TPM1: variants seen among roughly 807,000 people sequenced by gnomAD.
TPM1 encodes tropomyosin 1.
A neutral mutation model predicts 42.9 loss-of-function variants in TPM1; 24 were observed. The ratio of observed to expected loss-of-function variants is 0.56; its 90% confidence interval spans 0.41 to 0.79. TPM1 has a LOEUF of 0.79. Among genes scored for constraint, TPM1 ranks in the 30% least tolerant of loss-of-function variants. TPM1 has a pLI of 0.00. For synonymous variants in TPM1, 136 were observed against 130.1 expected (o/e 1.05, Z -0.31); for missense variants, 158 against 351.8 (o/e 0.45, Z 4.41).
At position 63,063,082 on chromosome 15, in the gene TPM1, A is replaced by G. The variant is rs775079270; in HGVS notation, c.772+437A>G. The G allele has an allele frequency of 1.9e-4, 185 of 979,502 alleles. No homozygotes were observed. The Middle Eastern group carries it at 2.1e-3, about 11-fold the overall frequency. 60.7% of individuals were successfully genotyped at this position (979,502 alleles called of 1,614,324 possible). On this transcript the variant is annotated intron_variant, in intron 8 of 9. Coordinates refer to ENST00000403994, the MANE Select transcript of TPM1 (RefSeq NM_001018005.2). ...AAGTAAGGATTTAGGGGTTATTTTA[A>G]GTCATATATTATCTTAACAAAATAC... is the stretch of plus-strand genomic sequence containing the variant.
At chr15:63,058,066 A>G (rs2035069845) in intron 3 of TPM1, among the ~76,000 whole-genome samples, 1 of 152,194 alleles carries the variant, frequency 6.6e-6, no homozygotes, top group South Asian at 2.1e-4. Context: ...ATTAAAGAAG[A>G]TTTTTAGCTA....
intron 2 of TPM1, chr15:63,048,383 G>A (rs1437239774): frequency 7.4e-7 from 1 of 1,348,192 alleles, no homozygotes; most frequent in Non-Finnish European, 9.5e-7. Flanking sequence ...GCCCGCCTGC[G>A]GTTTGTCTGC....
At chr15:63,043,571 AC>A in intron 1 of TPM1, 1 of 1,376,404 alleles carries the variant, frequency 7.3e-7, no homozygotes, top group African/African-American at 1.4e-5. Flanking sequence ...AGAGGAAGTT[AC>A]CTCGGGTCCT....
At chr15:63,061,450 A>G (rs2035610764) in intron 5 of TPM1, 3 of 781,758 alleles carry the variant, frequency 3.8e-6, no homozygotes, top group Admixed American at 2.0e-5. Context: ...CCCTTCATAA[A>G]TGCTCTTTGG....
Position 63,057,752 on chromosome 15 carries a change from C to T in TPM1, c.374+634C>T, listed in dbSNP as rs562005047. On this transcript the variant is annotated intron_variant, in intron 3 of 9. Coordinates refer to ENST00000403994, the MANE Select transcript of TPM1 (RefSeq NM_001018005.2). ...TCAGCTTTGTGGTAGTAAAGGAAAG[C>T]ATGGTTCGTATAGACCAGCACAGCC... is the stretch of plus-strand genomic sequence containing the variant. Among the ~76,000 whole-genome samples the T allele has an allele frequency of 4.6e-5, 7 of 152,310 alleles. No individual in the cohort carries two copies. The East Asian group carries it at 1.2e-3, about 25-fold the overall frequency.
chr15:63,064,741 G>A lies in TPM1; in HGVS notation c.851+599G>A, dbSNP rs561718716. On this transcript the variant is annotated intron_variant, in intron 9 of 9. Transcript: ENST00000403994. ...AGCACTTTGGGAGGCCGAGGCGGGC[G>A]GATCACGAGGTCAGGAGATTGAGAC... The A allele has an allele frequency of 3.0e-5, 25 of 838,000 alleles. No homozygotes were observed. The South Asian group carries it at 5.4e-4, about 18-fold the overall frequency. 51.9% of individuals were successfully genotyped at this position (838,000 alleles called of 1,614,324 possible). A position where few individuals can be genotyped will look rare whatever the true frequency, so the allele number is the denominator to read the frequency against.
chr15:63,060,192 C>T (rs994313046), intron 4 of TPM1, among the ~76,000 whole-genome samples: 4 of 152,208 alleles, frequency 2.6e-5, no homozygotes, highest in African/African-American at 9.6e-5. Context: ...AAACAGCCTC[C>T]TGTGATAAGA....
At chr15:63,044,612 G>T in intron 2 of TPM1, 3 of 295,934 alleles carry the variant, frequency 1.0e-5, no homozygotes, top group Non-Finnish European at 1.9e-5. Context: ...CTAAATGAAA[G>T]AAATGACACA....
intron 2 of TPM1, among the ~76,000 whole-genome samples, chr15:63,052,098 C>G (rs1479726709): frequency 6.8e-6 from 1 of 146,070 alleles, no homozygotes; most frequent in East Asian, 2.1e-4. Flanking sequence ...CATTGGTAGC[C>G]TTTACTAATA....
At chr15:63,048,329 G>A in intron 2 of TPM1, 1 of 1,046,506 alleles carries the variant, frequency 9.6e-7, no homozygotes, top group Non-Finnish European at 1.3e-6. Context: ...AGTGCCCCCA[G>A]CCAGTCCCGG....
chr15:63,065,636 A>G (rs1468898583), intron 9 of TPM1: 1 of 984,968 alleles, frequency 1.0e-6, no homozygotes, highest in Non-Finnish European at 1.2e-6. Context: ...CTGAAAGACG[A>G]GTGTAGCTTA....
intron 2 of TPM1, chr15:63,044,402 C>T: frequency 1.6e-6 from 1 of 635,448 alleles, no homozygotes. Flanking sequence ...GGATGAGAGG[C>T]TGGGAGAATA....
intron 2 of TPM1, chr15:63,048,837 G>A: frequency 7.8e-7 from 1 of 1,275,324 alleles, no homozygotes; most frequent in Non-Finnish European, 1.1e-6. Flanking sequence ...CGCACCTGGC[G>A]CACCTGGGCC....
At position 63,059,525 on chromosome 15, in the gene TPM1, T is replaced by C. The variant is rs2035294148; in HGVS notation, c.375-38T>C. On this transcript the variant is annotated intron_variant, in intron 3 of 9. Coordinates refer to ENST00000403994, the MANE Select transcript of TPM1 (RefSeq NM_001018005.2). Reference sequence around the variant, plus strand: ...GCAGTGTGCATTTGGGAAGTTCAGCTCTAAATCTTGGGTTTTCTTGCTTGT... The same window carrying C: ...GCAGTGTGCATTTGGGAAGTTCAGCCCTAAATCTTGGGTTTTCTTGCTTGT... 1.9e-6 allele frequency: 3 copies of C among 1,555,792 alleles called. No homozygotes were observed. The East Asian group carries it at 6.9e-5, about 36-fold the overall frequency.
intron 2 of TPM1, 128 bp from the exon 3 acceptor site, chr15:63,056,857 G>A (rs767780947): frequency 3.2e-4 from 391 of 1,234,374 alleles, no homozygotes; most frequent in Non-Finnish European, 3.8e-4. Context: ...GGCTTGTAAT[G>A]CACTTAAAGG....
At chr15:63,046,581 TG>T (rs1480878105) in intron 2 of TPM1, 2 of 152,462 alleles carry the variant, frequency 1.3e-5, no homozygotes, top group African/African-American at 4.8e-5. Flanking sequence ...GTAGTATCCC[TG>T]ATGGTCTTGT....
chr15:63,065,325 A>C (rs2036159061), intron 9 of TPM1: 2 of 991,110 alleles, frequency 2.0e-6, no homozygotes, highest in Non-Finnish European at 2.4e-6. Context: ...CCTGAATTCC[A>C]TTGAAGCTGG....
chr15:63,048,331 C>A, intron 2 of TPM1: 3 of 1,058,648 alleles, frequency 2.8e-6, no homozygotes, highest in Non-Finnish European at 3.8e-6. Flanking sequence ...TGCCCCCAGC[C>A]AGTCCCGGGA....
chr15:63,048,206 C>T (rs909543084), intron 2 of TPM1: 4 of 463,688 alleles, frequency 8.6e-6, no homozygotes, highest in African/African-American at 8.0e-5. Flanking sequence ...GCGGAGGGGC[C>T]CTAGAAGTGG....
Sources: gnomAD v4.1 joint callset for allele counts (sites outside exome capture counted in the v4.1 genomes callset) on GRCh38, gnomAD v4.1.1 for gene constraint, MANE v1.5 for transcripts, NCBI Gene and HGNC (gene_info 2026-07-23, HGNC 2026-07-21) for gene names.